Variants in BIN3 observed in about 807,000 individuals in gnomAD.
The protein encoded by BIN3 is bridging integrator 3.
Under a neutral mutation model 38.2 loss-of-function variants are expected in BIN3, and 41 were observed. The ratio of observed to expected loss-of-function variants is 1.07; its 90% CI spans 0.84 to 1.39. BIN3 has a LOEUF of 1.39. Among genes scored for constraint, BIN3 ranks in the 40% most tolerant of loss-of-function variants. BIN3 has a pLI of 0.00. For synonymous variants in BIN3, 145 were observed against 122.6 expected (o/e 1.18, Z -1.21); for missense variants, 361 against 324.3 (o/e 1.11, Z -0.87).
intron 2 of BIN3, among the ~76,000 whole-genome samples, chr8:22,640,354 A>AT (rs35170682): frequency 0.28 from 39,523 of 139,252 alleles, 5,756 homozygotes; most frequent in South Asian, 0.38. Flanking sequence ...TAATTTTTGA[A>AT]TTTTTTTTTT....
intron 1 of BIN3, 110 bp downstream of exon 1, chr8:22,668,934 G>C (rs1803516421): frequency 1.4e-6 from 2 of 1,432,436 alleles, no homozygotes; most frequent in Non-Finnish European, 1.9e-6. Flanking sequence ...TTGCTCTGGG[G>C]CGGAGGGGTC....
chr8:22,629,238 G>C (rs1802101756), intron 6 of BIN3, among the ~76,000 whole-genome samples: 1 of 152,232 alleles, frequency 6.6e-6, no homozygotes, highest in Admixed American at 6.5e-5. Context: ...GGCACTGCCT[G>C]GGACCACCGC....
intron 2 of BIN3, 99 bp from the exon 3 acceptor site, chr8:22,637,061 G>A (rs574005041): frequency 1.9e-5 from 20 of 1,067,900 alleles, no homozygotes; most frequent in South Asian, 4.0e-5. Context: ...GCCCCAGTCC[G>A]CAGAAAACAA....
chr8:22,639,823 G>A (rs575162575), intron 2 of BIN3, among the ~76,000 whole-genome samples: 2 of 152,158 alleles, frequency 1.3e-5, no homozygotes, highest in East Asian at 3.9e-4. Flanking sequence ...CCATGCTTGG[G>A]TGTTGTGATA....
At chr8:22,661,796 A>G (rs1284937683) in intron 1 of BIN3, among the ~76,000 whole-genome samples, 1 of 151,014 alleles carries the variant, frequency 6.6e-6, no homozygotes, top group Non-Finnish European at 1.5e-5. Context: ...TACTACATAT[A>G]TATACATTTT....
At chr8:22,650,465 G>A (rs1440144870) in intron 1 of BIN3, among the ~76,000 whole-genome samples, 1 of 152,116 alleles carries the variant, frequency 6.6e-6, no homozygotes, top group Admixed American at 6.6e-5. Flanking sequence ...ATCAAACTGA[G>A]GATGACCTGC....
chr8:22,667,734 T>C (rs1275796077), intron 1 of BIN3, among the ~76,000 whole-genome samples: 6 of 152,232 alleles, frequency 3.9e-5, no homozygotes, highest in African/African-American at 1.4e-4. Context: ...TGCCGGGGCT[T>C]ATTAGGACAT....
intron 1 of BIN3, among the ~76,000 whole-genome samples, chr8:22,649,616 T>C (rs1802818618): frequency 6.6e-6 from 1 of 152,204 alleles, no homozygotes; most frequent in African/African-American, 2.4e-5. Flanking sequence ...TGCCAAATGT[T>C]GGTAGTGGCT....
rs762621193 is a variant in BIN3 at position 22,669,067 on chromosome 8, T to C, written c.-16A>G. ...ACCAGCTCATGGTCCCGAACCTGCG[T>C]CTGCCGCCGGGGTCCTCAGCCACAA... On this transcript the variant is annotated 5_prime_UTR_variant, in exon 1 of 9. Coordinates refer to ENST00000276416, the MANE Select transcript of BIN3 (RefSeq NM_018688.6). 9 of 1,591,550 alleles carry C rather than the reference T, an allele frequency of 5.7e-6. No homozygotes were observed. The Admixed American group carries it at 1.1e-4, about 19-fold the overall frequency.
intron 1 of BIN3, among the ~76,000 whole-genome samples, chr8:22,658,971 C>T (rs75975917): frequency 0.022 from 3,377 of 152,338 alleles, 62 homozygotes; most frequent in Non-Finnish European, 0.03. Flanking sequence ...GCCCCTCCCC[C>T]GGGGCCTTCT....
In BIN3 at chr8:22,624,047, T is replaced by A; in HGVS notation, c.483A>T (p.Ala161=). 1.9e-6 allele frequency: 3 copies of A among 1,549,584 alleles called. No homozygotes were observed. The highest frequency in any genetic ancestry group is 2.6e-6 in the Non-Finnish European group (3 of 1,141,130). ...CCCGCACAGGCCGCAGCTCCTCTCG[T>A]GCCTAGGGAACAAGACCTGGGTGTC... is the stretch of plus-strand genomic sequence containing the variant. The part of the protein sequence containing the change: ...TGPVLAKLHQ[A]REELRPVRED... Residue 161 remains alanine (A), a splice_region_variant and synonymous_variant, in exon 8 of 9, where the codon GCA becomes GCT. Transcript: ENST00000276416.
intron 6 of BIN3, chr8:22,626,334 G>C (rs1341672387): frequency 6.6e-6 from 1 of 152,402 alleles, no homozygotes; most frequent in Non-Finnish European, 1.5e-5. Context: ...GCTGGGAGGA[G>C]CTAGACTTGA....
At chr8:22,636,377 G>T in intron 4 of BIN3, 148 bp downstream of exon 4, 1 of 753,556 alleles carries the variant, frequency 1.3e-6, no homozygotes, top group Non-Finnish European at 2.2e-6. Context: ...GACTGGTGAG[G>T]AGTGACTGCC....
At position 22,654,462 on chromosome 8, in the gene BIN3, A is replaced by G. The variant is rs192788855; in HGVS notation, c.9-9659T>C. On this transcript the variant is annotated intron_variant, in intron 1 of 8. Transcript: ENST00000276416. ...TTTCAGAACATTTTCATCACACCAAAAAGAAACCCCACACCTATTAGCAAA... is the reference window on the plus strand; with the variant it reads ...TTTCAGAACATTTTCATCACACCAAGAAGAAACCCCACACCTATTAGCAAA... Among the ~76,000 whole-genome samples, 5 of 152,312 alleles carry G rather than the reference A, an allele frequency of 3.3e-5. No homozygotes were observed. In the East Asian group the frequency reaches 5.8e-4, roughly 18 times the overall value.
rs1194801225 is a variant in BIN3, at chr8:22,669,082, C to G, written c.-31G>C. 6.3e-7 allele frequency: 1 copy of G among 1,590,046 alleles called. No individual in the cohort carries two copies. Among genetic ancestry groups the G allele is most frequent in the Non-Finnish European group, 8.6e-7 (1 of 1,168,498 alleles). On this transcript the variant is annotated 5_prime_UTR_variant, in exon 1 of 9. Coordinates refer to ENST00000276416, the MANE Select transcript of BIN3 (RefSeq NM_018688.6). Reference sequence around the variant, plus strand: ...CGAACCTGCGTCTGCCGCCGGGGTCCTCAGCCACAACTCGTTTCTCTAGGG... The same window carrying G: ...CGAACCTGCGTCTGCCGCCGGGGTCGTCAGCCACAACTCGTTTCTCTAGGG...
intron 1 of BIN3, among the ~76,000 whole-genome samples, chr8:22,666,636 T>C (rs1803430962): frequency 6.6e-6 from 1 of 152,154 alleles, no homozygotes. Flanking sequence ...GCGGGTTGCC[T>C]GCACAGAGGA....
chr8:22,666,885 T>C lies in BIN3; in HGVS notation c.8+2159A>G, dbSNP rs563788136. On this transcript the variant is annotated intron_variant, in intron 1 of 8. Coordinates refer to ENST00000276416, the MANE Select transcript of BIN3 (RefSeq NM_018688.6). ...GATGGCTCTACGTCACTCTGGTCTC[T>C]TCCCCTAATGAGAATTCCAGTCTCA... Among the ~76,000 whole-genome samples, 80 of 152,290 alleles carry C rather than the reference T, an allele frequency of 5.3e-4. 1 individual carries two copies. Among genetic ancestry groups the C allele is most frequent in the African/African-American group, 1.7e-3 (71 of 41,568 alleles).
intron 8 of BIN3, 68 bp downstream of exon 8, chr8:22,623,847 T>A (rs1801919458): frequency 1.1e-5 from 17 of 1,541,914 alleles, no homozygotes; most frequent in Non-Finnish European, 1.3e-5. Context: ...ACCCTTCCAG[T>A]GTGGGTGACA....
chr8:22,640,622 AAC>A (rs199994163), intron 2 of BIN3, among the ~76,000 whole-genome samples: 2,174 of 152,308 alleles, frequency 0.014, 23 homozygotes, highest in Middle Eastern at 0.058. Flanking sequence ...AGAGATCCAG[AAC>A]ACACAGGGGG....
Sources: allele counts gnomAD v4.1 joint callset (sites outside exome capture counted in the v4.1 genomes callset), GRCh38; gene constraint gnomAD v4.1.1; transcripts MANE v1.5; gene names NCBI Gene and HGNC (gene_info 2026-07-23, HGNC 2026-07-21).